The following ARHGEF9 variants were observed in gnomAD, a reference collection of about 807,000 sequenced individuals.
ARHGEF9 encodes the protein rho guanine nucleotide exchange factor 9.
In ARHGEF9, 2 loss-of-function variants were observed where a neutral mutation model predicts 41.3. The ratio of observed to expected loss-of-function variants is 0.05; its 90% CI spans 0.02 to 0.15. The LOEUF (loss-of-function observed/expected upper bound fraction) is 0.15, where lower values mean the gene tolerates loss of function less well. ARHGEF9 is among the 10% of genes least tolerant of loss of function. The probability of loss-of-function intolerance (pLI) is 1.00; values close to 1 mark genes in which losing one functional copy is unlikely to be tolerated. For synonymous variants in ARHGEF9, 160 were observed against 154.4 expected (o/e 1.04, Z -0.27); for missense variants, 225 against 424.7 (o/e 0.53, Z 4.13).
chrX:63,666,384 G>A (rs1274713472), intron 6 of ARHGEF9, among the ~76,000 whole-genome samples: 1 of 103,013 alleles, frequency 9.7e-6, no homozygotes. Context: ...TGGAGAAAGA[G>A]AGAGAGAGAG....
At chrX:63,693,009 G>A (rs1195088754) in intron 4 of ARHGEF9, among the ~76,000 whole-genome samples, 1 of 111,678 alleles carries the variant, frequency 9.0e-6, no homozygotes, top group Admixed American at 9.5e-5. Context: ...GGCTATCAAA[G>A]TTGATCTCAT....
At chrX:63,650,982 A>G (rs1214014775) in intron 8 of ARHGEF9, among the ~76,000 whole-genome samples, 1 of 110,907 alleles carries the variant, frequency 9.0e-6, no homozygotes, top group Non-Finnish European at 1.9e-5. Context: ...TCCCAGAAAA[A>G]TAGAAATTAT....
Position 63,638,594 on chromosome X carries a change from G to A in ARHGEF9, c.1391-385C>T, listed in dbSNP as rs2047437670. 1.9e-5 allele frequency: 6 copies of A among 323,717 alleles called. No individual in the cohort carries two copies. In the South Asian group the frequency reaches 7.1e-4, roughly 38 times the overall value. 26.7% of individuals were successfully genotyped at this position (323,717 alleles called of 1,213,427 possible). On this transcript the variant is annotated intron_variant, in intron 9 of 9. Transcript: ENST00000671741. ...GTTCAGAGCTCTTTCCAAGACACCAGAATCCCTTATGCAGGGGTTGGTCCT... is the reference window on the plus strand; with the variant it reads ...GTTCAGAGCTCTTTCCAAGACACCAAAATCCCTTATGCAGGGGTTGGTCCT...
intron 1 of ARHGEF9, among the ~76,000 whole-genome samples, chrX:63,744,603 T>C (rs2055156949): frequency 8.9e-6 from 1 of 112,066 alleles, no homozygotes; most frequent in Non-Finnish European, 1.9e-5. Flanking sequence ...ACCTGTGAAA[T>C]GGAGATAATC....
chrX:63,669,721 C>G (rs782215304), intron 6 of ARHGEF9, among the ~76,000 whole-genome samples: 8 of 111,928 alleles, frequency 7.1e-5, no homozygotes, highest in Non-Finnish European at 1.1e-4. Context: ...TCCTTCAGGT[C>G]TGTTCTTAAC....
At chrX:63,668,733 C>T (rs1417989737) in intron 6 of ARHGEF9, among the ~76,000 whole-genome samples, 7 of 112,328 alleles carry the variant, frequency 6.2e-5, no homozygotes, top group Non-Finnish European at 1.1e-4. Context: ...AGTTTCCATA[C>T]CTATCCTGTC....
rs782366734 is a variant in ARHGEF9 at position 63,678,579 on chromosome X, G to GA, written c.583-8dup. ...ATATCCAGAATCCATCTTGCTGTGG[G>GA]AAAAGAAAAAAAGGAAAGGAAAAGT... On this transcript the variant is annotated splice_region_variant and splice_polypyrimidine_tract_variant and intron_variant, in intron 4 of 9. Coordinates refer to ENST00000671741, the MANE Select transcript of ARHGEF9 (RefSeq NM_001353921.2). 12 of 1,166,201 alleles carry GA rather than the reference G, an allele frequency of 1.0e-5. No homozygotes were observed. The African/African-American group carries it at 2.0e-4, about 19-fold the overall frequency.
chrX:63,780,631 AAAAAC>A (rs781849788), intron 1 of ARHGEF9, among the ~76,000 whole-genome samples: 25 of 112,667 alleles, frequency 2.2e-4, no homozygotes, highest in African/African-American at 8.1e-4. Context: ...CAACAACAAC[AAAAAC>A]AAAACAAAAC....
At chrX:63,735,493 G>A (rs2054557251) in intron 1 of ARHGEF9, among the ~76,000 whole-genome samples, 1 of 111,634 alleles carries the variant, frequency 9.0e-6, no homozygotes, top group South Asian at 3.8e-4. Context: ...TTATCCATTT[G>A]TCAGATGTCG....
rs2047272510 is a variant in ARHGEF9 at position 63,635,453 on chromosome X, T to C, written c.*2575A>G. On this transcript the variant is annotated 3_prime_UTR_variant, in exon 10 of 10. Coordinates refer to ENST00000671741, the MANE Select transcript of ARHGEF9 (RefSeq NM_001353921.2). ...TACAACATTACAGAATTACTGGGGT[T>C]ACCATTGCTGTCAGGACATAACAGG... 2 of 518,636 alleles carry C rather than the reference T, an allele frequency of 3.9e-6. No homozygotes were observed. Among genetic ancestry groups the C allele is most frequent in the African/African-American group, 2.3e-5 (1 of 43,436 alleles). The allele number at this position is 518,636 out of a possible 1,213,427, so 42.7% of individuals were successfully genotyped here.
intron 9 of ARHGEF9, 87 bp from the exon 10 acceptor site, chrX:63,638,296 C>A: frequency 2.4e-6 from 2 of 833,421 alleles, no homozygotes; most frequent in Non-Finnish European, 3.5e-6. Flanking sequence ...TCTGGGCAGA[C>A]AACTCAAGGC....
At chrX:63,649,939 T>C (rs1207896477) in intron 8 of ARHGEF9, among the ~76,000 whole-genome samples, 1 of 111,027 alleles carries the variant, frequency 9.0e-6, no homozygotes, top group Non-Finnish European at 1.9e-5. Flanking sequence ...ATTCAGTCAA[T>C]GAAAGAGTGG....
intron 7 of ARHGEF9, among the ~76,000 whole-genome samples, chrX:63,661,784 C>G (rs1306414537): frequency 2.7e-5 from 3 of 111,079 alleles, no homozygotes; most frequent in Non-Finnish European, 5.7e-5. Flanking sequence ...CTCTCTCTCT[C>G]TGAAACAAGC....
At chrX:63,752,231 T>C (rs1214260923) in intron 1 of ARHGEF9, among the ~76,000 whole-genome samples, 2 of 79,721 alleles carry the variant, frequency 2.5e-5, no homozygotes, top group African/African-American at 9.9e-5. Context: ...CTAGGGGTCA[T>C]AAAATCATAA....
chrX:63,762,646 A>G (rs2056053391), intron 1 of ARHGEF9, among the ~76,000 whole-genome samples: 1 of 111,929 alleles, frequency 8.9e-6, no homozygotes, highest in South Asian at 3.8e-4. Flanking sequence ...GATTTTGAAG[A>G]TATGCAATGT....
At chrX:63,667,704 C>G (rs1403574970) in intron 6 of ARHGEF9, among the ~76,000 whole-genome samples, 1 of 110,601 alleles carries the variant, frequency 9.0e-6, no homozygotes, top group Non-Finnish European at 1.9e-5. Context: ...AATAGAACCC[C>G]CCACCCCACT....
At chrX:63,651,179 T>C (rs1477083080) in intron 8 of ARHGEF9, among the ~76,000 whole-genome samples, 15 of 111,233 alleles carry the variant, frequency 1.3e-4, no homozygotes, top group Non-Finnish European at 2.8e-4. Context: ...AGAATCCAAA[T>C]GGGCTTTCTA....
At position 63,644,160 on chromosome X, in the gene ARHGEF9, TG is replaced by T; in HGVS notation, c.1322-113del. 3 of 498,450 alleles carry T rather than the reference TG, an allele frequency of 6.0e-6. No individual in the cohort carries two copies. In the African/African-American group the frequency reaches 7.6e-5, roughly 13 times the overall value. The allele number at this position is 498,450 out of a possible 1,213,427, so 41.1% of individuals were successfully genotyped here. A position where few individuals can be genotyped will look rare whatever the true frequency, so the allele number is the denominator to read the frequency against. The stretch of plus-strand genomic sequence containing the variant: ...ATTTGCTAAGACATATAAAAAATCT[TG>T]AAATACAAAAAAAAAAAAAATCATT... On this transcript the variant is annotated intron_variant, in intron 8 of 9. Transcript: ENST00000671741.
chrX:63,695,121 T>G (rs2051649248), intron 4 of ARHGEF9, among the ~76,000 whole-genome samples: 1 of 111,905 alleles, frequency 8.9e-6, no homozygotes, highest in Non-Finnish European at 1.9e-5. Flanking sequence ...CATTTGTCAA[T>G]GTCTGGAGAC....
Sources: gnomAD v4.1 joint callset for allele counts (sites outside exome capture counted in the v4.1 genomes callset) on GRCh38, gnomAD v4.1.1 for gene constraint, MANE v1.5 for transcripts, NCBI Gene and HGNC (gene_info 2026-07-23, HGNC 2026-07-21) for gene names.